The following ADGRV1 variants were observed in gnomAD, a reference collection of about 807,000 sequenced individuals.
ADGRV1 encodes G-protein coupled receptor 98.
In ADGRV1, 359 loss-of-function variants were observed where a neutral mutation model predicts 596.2. The ratio of observed to expected loss-of-function variants is 0.60; its 90% CI spans 0.55 to 0.66. ADGRV1 has a LOEUF of 0.66. Among genes scored for constraint, ADGRV1 ranks in the 30% least tolerant of loss-of-function variants. The pLI, the probability that ADGRV1 is intolerant of heterozygous loss-of-function variation, is 0.00. For synonymous variants in ADGRV1, 2,681 were observed against 2,679.2 expected, an observed-to-expected ratio of 1.00 and a Z score of -0.02; for missense variants, 7,274 against 7,575.6, an observed-to-expected ratio of 0.96 and a Z score of 1.48.
chr5:91,106,788 T>C (rs1791914378), intron 87 of ADGRV1, among the ~76,000 whole-genome samples: 1 of 152,172 alleles, frequency 6.6e-6, no homozygotes, highest in African/African-American at 2.4e-5. Context: ...TGGTGAAATT[T>C]AGGAGACGTT....
intron 1 of ADGRV1, among the ~76,000 whole-genome samples, chr5:90,576,193 C>G (rs1757176439): frequency 6.6e-6 from 1 of 152,036 alleles, no homozygotes; most frequent in Admixed American, 6.6e-5. Flanking sequence ...ATACATGTGT[C>G]ATGTTGGTTT....
chr5:90,772,022 AC>A (rs1257541153), intron 59 of ADGRV1, among the ~76,000 whole-genome samples: 7 of 151,886 alleles, frequency 4.6e-5, no homozygotes, highest in Non-Finnish European at 7.4e-5. Context: ...CCCCCCTCTT[AC>A]TGGTTGTAGA....
intron 66 of ADGRV1, among the ~76,000 whole-genome samples, chr5:90,783,526 T>G (rs1387641813): frequency 6.6e-6 from 1 of 151,468 alleles, no homozygotes. Context: ...TCATTTCAAA[T>G]AAAGGAAATA....
intron 21 of ADGRV1, among the ~76,000 whole-genome samples, chr5:90,667,579 A>G (rs1022978564): frequency 1.6e-4 from 24 of 149,546 alleles, no homozygotes; most frequent in Non-Finnish European, 2.8e-4. Context: ...GCTCAGAGTA[A>G]TTTGATCGTC....
chr5:90,838,707 C>G (rs1384019184), intron 77 of ADGRV1, among the ~76,000 whole-genome samples: 1 of 152,116 alleles, frequency 6.6e-6, no homozygotes, highest in Non-Finnish European at 1.5e-5. Flanking sequence ...TTCACTTCTC[C>G]TCTTCCTTCC....
chr5:90,973,347 T>C (rs559049957), intron 84 of ADGRV1, among the ~76,000 whole-genome samples: 121 of 152,270 alleles, frequency 7.9e-4, no homozygotes, highest in African/African-American at 2.8e-3. Context: ...CCCTAACTCA[T>C]TTTATGAGGC....
rs1764919282 is a variant in ADGRV1 at position 90,627,490 on chromosome 5, C to G, written c.952C>G (p.Gln318Glu). The change falls in exon 7 of 90, where the codon CAA (glutamine) becomes GAA (glutamate). Residue 318 changes from glutamine to glutamate, a missense_variant. Physicochemically the swap from Gln to Glu is conservative, Grantham distance 29. Around this residue, in one of 5 missense-constraint regions of ADGRV1, gnomAD observed 1,715 missense variants for 1,708.8 expected, o/e 1.00. Transcript: ENST00000405460. ...TGGGAATTCCACAGCACATGCCCAG[C>G]AAAATCTGGACTTCATTGATCTTCA... ...TTGNSTAHAQQNLDFIDLQPN... is the reference protein window; with the variant it reads ...TTGNSTAHAQENLDFIDLQPN... The G allele has an allele frequency of 6.2e-7, 1 of 1,613,846 alleles. No individual in the cohort carries two copies. Among genetic ancestry groups the G allele is most frequent in the Non-Finnish European group, 8.5e-7 (1 of 1,179,856 alleles).
intron 83 of ADGRV1, among the ~76,000 whole-genome samples, chr5:90,900,727 G>A (rs1431407569): frequency 1.3e-5 from 2 of 151,980 alleles, no homozygotes; most frequent in African/African-American, 2.4e-5. Context: ...TTACTTGCCT[G>A]GGCTTTATAG....
chr5:91,040,864 C>T (rs1465814361), intron 85 of ADGRV1, among the ~76,000 whole-genome samples: 4 of 152,114 alleles, frequency 2.6e-5, no homozygotes, highest in Non-Finnish European at 5.9e-5. Context: ...TGAATAGACT[C>T]AATATTGCAT....
chr5:90,597,175 G>T (rs1048927408), intron 1 of ADGRV1, among the ~76,000 whole-genome samples: 1 of 152,184 alleles, frequency 6.6e-6, no homozygotes, highest in Non-Finnish European at 1.5e-5. Context: ...TCTTTAACAA[G>T]AATTATTGCC....
Position 90,683,789 on chromosome 5 carries a change from T to C in ADGRV1, c.5868T>C (p.Ser1956=). ...AFSVSVLSVS[S]GSLGAHINAT... ...CTGTGTCAGTCCTCAGTGTTTCCAGTGGTTCTTTGGGAGCTCATATTAATG... is the reference window on the plus strand; with the variant it reads ...CTGTGTCAGTCCTCAGTGTTTCCAGCGGTTCTTTGGGAGCTCATATTAATG... The change falls in exon 28 of 90, where the codon AGT becomes AGC. Residue 1956 remains serine, a synonymous_variant. Transcript: ENST00000405460. The C allele has an allele frequency of 6.2e-7, 1 of 1,613,904 alleles. No homozygotes were observed. Among genetic ancestry groups the C allele is most frequent in the Non-Finnish European group, 8.5e-7 (1 of 1,179,874 alleles).
chr5:91,054,446 A>G (rs1368431475), intron 85 of ADGRV1, among the ~76,000 whole-genome samples: 1 of 152,164 alleles, frequency 6.6e-6, no homozygotes, highest in Non-Finnish European at 1.5e-5. Context: ...TGCTGCCTGG[A>G]TATTGAAGTA....
chr5:90,941,729 A>G (rs1362865852), intron 83 of ADGRV1, among the ~76,000 whole-genome samples: 1 of 152,190 alleles, frequency 6.6e-6, no homozygotes, highest in Non-Finnish European at 1.5e-5. Flanking sequence ...TCAGGTGCAT[A>G]TGAAATAAAA....
intron 86 of ADGRV1, among the ~76,000 whole-genome samples, chr5:91,087,479 T>A (rs941154294): frequency 6.6e-6 from 1 of 151,424 alleles, no homozygotes; most frequent in Admixed American, 6.6e-5. Context: ...TTTTTTTTTT[T>A]ATGGTAGAGA....
At position 90,690,014 on chromosome 5, in the gene ADGRV1, T is replaced by G; in HGVS notation, c.6644T>G (p.Leu2215Arg). The G allele has an allele frequency of 2.5e-6, 4 of 1,601,572 alleles. No homozygotes were observed. The highest frequency in any genetic ancestry group is 3.4e-6 in the Non-Finnish European group (4 of 1,173,330). ...AATGAAACAACAGGAGGAGCCAGAC[T>G]AGGGGCTTTAACAGAGGCAGTCATT... ...LMNETTGGAR[L>R]GALTEAVIII... Residue 2215 changes from leucine (L) to arginine (R), a missense_variant, in exon 30 of 90, where the codon CTA becomes CGA. Leu to Arg is a moderately radical substitution (Grantham distance 102, BLOSUM62 -2). Around this residue, in one of 5 missense-constraint regions of ADGRV1, gnomAD observed 3,643 missense variants for 3,809.2 expected, o/e 0.96. Transcript: ENST00000405460.
intron 89 of ADGRV1, among the ~76,000 whole-genome samples, chr5:91,161,937 G>A (rs1285757361): frequency 6.6e-6 from 1 of 152,194 alleles, no homozygotes; most frequent in Non-Finnish European, 1.5e-5. Context: ...CAGGAGACCT[G>A]ATCAGTTTCA....
chr5:90,823,500 A>G lies in ADGRV1; in HGVS notation c.16272A>G (p.Val5424=). The change falls in exon 76 of 90, where the codon GTA becomes GTG. Residue 5424 remains valine, a synonymous_variant. Coordinates refer to ENST00000405460, the MANE Select transcript of ADGRV1 (RefSeq NM_032119.4). ...TCGTCGTGCTCCAGAAGGATGGGGTAAACCTGGTGGAGGAACTTCAGTCTG... is the reference window on the plus strand; with the variant it reads ...TCGTCGTGCTCCAGAAGGATGGGGTGAACCTGGTGGAGGAACTTCAGTCTG... ...KTVVVLQKDG[V]NLVEELQSVS... is the part of the protein sequence containing the mutation. The G allele has an allele frequency of 6.2e-7, 1 of 1,613,884 alleles. No homozygotes were observed. Among genetic ancestry groups the G allele is most frequent in the Non-Finnish European group, 8.5e-7 (1 of 1,179,778 alleles).
chr5:91,102,760 C>T (rs1791502393), intron 87 of ADGRV1, among the ~76,000 whole-genome samples: 1 of 152,128 alleles, frequency 6.6e-6, no homozygotes, highest in Non-Finnish European at 1.5e-5. Context: ...AAGTGTGATG[C>T]TTAGTGAAAT....
intron 74 of ADGRV1, among the ~76,000 whole-genome samples, chr5:90,813,573 C>A (rs574151457): frequency 1.3e-5 from 2 of 152,264 alleles, no homozygotes; most frequent in East Asian, 3.9e-4. Flanking sequence ...TTTACCTTCC[C>A]TACATAAGGC....
Sources: allele counts gnomAD v4.1 joint callset (sites outside exome capture counted in the v4.1 genomes callset), GRCh38; gene constraint gnomAD v4.1.1; regional missense constraint gnomAD v4.1.1; transcripts MANE v1.5; gene names NCBI Gene and HGNC (gene_info 2026-07-23, HGNC 2026-07-21).